The following CNTN4 variants were observed in gnomAD, a reference collection of about 807,000 sequenced individuals.
CNTN4 encodes the protein contactin 4.
In CNTN4, 77 loss-of-function variants were observed where a neutral mutation model predicts 122.5. The observed-to-expected ratio is 0.63, with a 90% CI of 0.52 to 0.76. The LOEUF is 0.76. CNTN4 is among the 30% of genes least tolerant of loss of function. CNTN4 has a pLI of 0.00. For synonymous variants in CNTN4, 512 were observed against 447.0 expected, an observed-to-expected ratio of 1.15 and a Z score of -1.83; for missense variants, 1,256 against 1,259.1, an observed-to-expected ratio of 1.00 and a Z score of 0.04.
intron 8 of CNTN4, among the ~76,000 whole-genome samples, chr3:2,881,437 C>G (rs543782775): frequency 6.6e-6 from 1 of 151,010 alleles, no homozygotes; most frequent in Non-Finnish European, 1.5e-5. Flanking sequence ...TGCTTGAACC[C>G]GGGAGGCGGA....
chr3:2,699,019 G>C lies in CNTN4; in HGVS notation c.56-37196G>C, dbSNP rs574373187. On this transcript the variant is annotated intron_variant, in intron 4 of 24. Transcript: ENST00000418658. ...GTGTGGGCGACAAGAGCGAGACTCT[G>C]TCTTAAAAAAAAAAAAGAACCTGGG... Among the ~76,000 whole-genome samples the C allele has an allele frequency of 1.7e-3, 121 of 71,394 alleles. 2 individuals carry two copies. Among genetic ancestry groups the C allele is most frequent in the Middle Eastern group, 0.014 (2 of 144 alleles). 46.8% of individuals were successfully genotyped at this position (71,394 alleles called of 152,430 possible).
At chr3:2,172,260 A>G (rs575329351) in intron 2 of CNTN4, among the ~76,000 whole-genome samples, 1 of 152,312 alleles carries the variant, frequency 6.6e-6, no homozygotes, top group Middle Eastern at 3.4e-3. Context: ...AGCAACTTAG[A>G]TGGAGCTGGA....
Position 2,981,573 on chromosome 3 carries a change from A to AAT in CNTN4, c.1359-6772_1359-6771insAT, listed in dbSNP as rs143823548. ...GGTACTATATTCATGAAAAAAAAAA[A>AAT]GAATGTAATATTAGTGGAAAAACCG... On this transcript the variant is annotated intron_variant, in intron 13 of 24. Coordinates refer to ENST00000418658, the MANE Select transcript of CNTN4 (RefSeq NM_175607.3). 6.6e-3 allele frequency among the ~76,000 whole-genome samples: 1,000 copies of AAT among 152,166 alleles called. 10 individuals are homozygous for AAT. The highest frequency in any genetic ancestry group is 0.022 in the African/African-American group (916 of 41,458).
chr3:2,704,162 T>G (rs1202730627), intron 4 of CNTN4, among the ~76,000 whole-genome samples: 1 of 151,724 alleles, frequency 6.6e-6, no homozygotes, highest in East Asian at 1.9e-4. Flanking sequence ...CCAGGTGTGG[T>G]GGCATACACC....
intron 3 of CNTN4, among the ~76,000 whole-genome samples, chr3:2,395,676 A>G (rs935353117): frequency 6.6e-6 from 1 of 152,058 alleles, no homozygotes; most frequent in Non-Finnish European, 1.5e-5. Flanking sequence ...TCTAGCTCCC[A>G]GTTATAAGTG....
intron 3 of CNTN4, among the ~76,000 whole-genome samples, chr3:2,402,384 A>G (rs2046888823): frequency 2.0e-5 from 3 of 152,200 alleles, no homozygotes; most frequent in South Asian, 2.1e-4. Flanking sequence ...TTCCTCCTCC[A>G]TCTCTGATTT....
intron 10 of CNTN4, among the ~76,000 whole-genome samples, chr3:2,891,549 G>A (rs1408260138): frequency 6.6e-6 from 1 of 152,194 alleles, no homozygotes; most frequent in Non-Finnish European, 1.5e-5. Flanking sequence ...TCTGGGAATT[G>A]CCCTCTGACC....
intron 10 of CNTN4, among the ~76,000 whole-genome samples, 180 bp downstream of exon 10, chr3:2,887,404 G>A (rs2093991182): frequency 6.6e-6 from 1 of 152,022 alleles, no homozygotes; most frequent in Non-Finnish European, 1.5e-5. Flanking sequence ...TGAGGGTGGG[G>A]GGCAAGGGTG....
In CNTN4 at chr3:2,916,001, T is replaced by C. The variant is rs200325217; in HGVS notation, c.1208-9628T>C. On this transcript the variant is annotated intron_variant, in intron 12 of 24. Coordinates refer to ENST00000418658, the MANE Select transcript of CNTN4 (RefSeq NM_175607.3). ...TCAAACTCATAGAAACAGAAAGTAGTGTTGTTACCAGGGGCTGGGAGAGAG... is the reference window on the plus strand; with the variant it reads ...TCAAACTCATAGAAACAGAAAGTAGCGTTGTTACCAGGGGCTGGGAGAGAG... Among the ~76,000 whole-genome samples, 21 of 152,292 alleles carry C rather than the reference T, an allele frequency of 1.4e-4. No homozygotes were observed. The East Asian group carries it at 3.7e-3, about 27-fold the overall frequency.
chr3:2,826,392 A>G (rs2092989725), intron 7 of CNTN4, among the ~76,000 whole-genome samples: 1 of 152,154 alleles, frequency 6.6e-6, no homozygotes, highest in African/African-American at 2.4e-5. Context: ...CCATAAATGT[A>G]ATTTTACGTG....
intron 2 of CNTN4, among the ~76,000 whole-genome samples, chr3:2,286,446 T>TA (rs2041907205): frequency 6.6e-6 from 1 of 151,730 alleles, no homozygotes; most frequent in Non-Finnish European, 1.5e-5. Context: ...TAGTTAGCTT[T>TA]AAAAAAACTA....
At chr3:2,699,129 A>G (rs2086213986) in intron 4 of CNTN4, among the ~76,000 whole-genome samples, 1 of 152,130 alleles carries the variant, frequency 6.6e-6, no homozygotes, top group Non-Finnish European at 1.5e-5. Flanking sequence ...TTTGATGATG[A>G]TCTTTTAAAA....
At chr3:2,341,229 G>A (rs1400334827) in intron 3 of CNTN4, among the ~76,000 whole-genome samples, 1 of 151,992 alleles carries the variant, frequency 6.6e-6, no homozygotes, top group African/African-American at 2.4e-5. Flanking sequence ...ATATATCTTT[G>A]TGTAGCTGAA....
At chr3:2,120,406 T>TGTATATA (rs1491534107) in intron 2 of CNTN4, among the ~76,000 whole-genome samples, 1 of 24,576 alleles carries the variant, frequency 4.1e-5, no homozygotes, top group Non-Finnish European at 8.8e-5. Flanking sequence ...TATATATATA[T>TGTATATA]TTTTTTTTTT....
At chr3:2,848,191 A>G (rs2093487463) in intron 7 of CNTN4, among the ~76,000 whole-genome samples, 1 of 152,164 alleles carries the variant, frequency 6.6e-6, no homozygotes, top group Non-Finnish European at 1.5e-5. Flanking sequence ...ATGAGCTATG[A>G]TCATGCCACT....
intron 4 of CNTN4, among the ~76,000 whole-genome samples, chr3:2,727,648 C>T (rs377412832): frequency 2.0e-5 from 3 of 152,168 alleles, no homozygotes; most frequent in Non-Finnish European, 1.5e-5. Flanking sequence ...AGCACTTCCC[C>T]GTCCTACCAC....
intron 2 of CNTN4, among the ~76,000 whole-genome samples, chr3:2,262,057 C>T (rs2040855709): frequency 6.6e-6 from 1 of 152,084 alleles, no homozygotes; most frequent in Admixed American, 6.6e-5. Flanking sequence ...AGAGTTTGCC[C>T]TGTTCTTATT....
At chr3:2,251,163 G>A (rs755222838) in intron 2 of CNTN4, among the ~76,000 whole-genome samples, 45 of 151,866 alleles carry the variant, frequency 3.0e-4, no homozygotes, top group Non-Finnish European at 5.2e-4. Flanking sequence ...TGTTAATTTC[G>A]TGATACACCT....
chr3:2,669,212 A>T (rs1403699111), intron 4 of CNTN4, among the ~76,000 whole-genome samples: 1 of 152,092 alleles, frequency 6.6e-6, no homozygotes, highest in Non-Finnish European at 1.5e-5. Context: ...CTGTGAATCC[A>T]TCTGGTCCTG....
Sources: allele counts gnomAD v4.1 joint callset (sites outside exome capture counted in the v4.1 genomes callset), GRCh38; gene constraint gnomAD v4.1.1; transcripts MANE v1.5; gene names NCBI Gene and HGNC (gene_info 2026-07-23, HGNC 2026-07-21).